CNTN4: variants seen among roughly 807,000 people sequenced by gnomAD.
CNTN4 encodes contactin-4.
In CNTN4, 77 loss-of-function variants were observed where a neutral mutation model predicts 122.5. The ratio of observed to expected loss-of-function variants is 0.63; its 90% confidence interval spans 0.52 to 0.76. The LOEUF (loss-of-function observed/expected upper bound fraction) is 0.76. Among genes scored for constraint, CNTN4 ranks in the 30% least tolerant of loss-of-function variants. The pLI, the probability that CNTN4 is intolerant of heterozygous loss-of-function variation, is 0.00. For synonymous variants in CNTN4, 512 were observed against 447.0 expected, an observed-to-expected ratio of 1.15 and a Z score of -1.83; for missense variants, 1,256 against 1,259.1, an observed-to-expected ratio of 1.00 and a Z score of 0.04.
At chr3:2,605,547 A>G (rs2081221906) in intron 4 of CNTN4, among the ~76,000 whole-genome samples, 1 of 152,174 alleles carries the variant, frequency 6.6e-6, no homozygotes. Flanking sequence ...GGTGGCAGTG[A>G]TGGAAGCAGG....
At chr3:2,357,816 A>G (rs1442506856) in intron 3 of CNTN4, among the ~76,000 whole-genome samples, 1 of 152,240 alleles carries the variant, frequency 6.6e-6, no homozygotes, top group Non-Finnish European at 1.5e-5. Flanking sequence ...AATTGCTATC[A>G]TCTTCTTAAT....
intron 4 of CNTN4, among the ~76,000 whole-genome samples, chr3:2,620,304 A>G (rs1024974485): frequency 1.3e-5 from 2 of 152,148 alleles, no homozygotes; most frequent in African/African-American, 2.4e-5. Context: ...GTTCAAGACC[A>G]GCCTGGGCAA....
In CNTN4 at chr3:2,233,414, G is replaced by T. The variant is rs1000864257; in HGVS notation, c.-144-105764G>T. 2.1e-4 allele frequency among the ~76,000 whole-genome samples: 32 copies of T among 151,914 alleles called. 1 individual carries two copies. Among genetic ancestry groups the T allele is most frequent in the Non-Finnish European group, 4.1e-4 (28 of 68,000 alleles). On this transcript the variant is annotated intron_variant, in intron 2 of 24. Transcript: ENST00000418658. Reference sequence around the variant, plus strand: ...AAGCCTTTGCCTGTTTTTGTTTTTCGCAGTCTTGTGATATATTCTGCATTC... The same window carrying T: ...AAGCCTTTGCCTGTTTTTGTTTTTCTCAGTCTTGTGATATATTCTGCATTC...
intron 4 of CNTN4, among the ~76,000 whole-genome samples, chr3:2,589,730 C>A (rs1053892101): frequency 1.3e-5 from 2 of 152,210 alleles, no homozygotes; most frequent in East Asian, 3.9e-4. Flanking sequence ...GGCTAGAGCA[C>A]CCACTTTCAA....
intron 3 of CNTN4, among the ~76,000 whole-genome samples, chr3:2,556,962 A>G (rs373801533): frequency 3.3e-5 from 5 of 152,338 alleles, no homozygotes; most frequent in South Asian, 4.1e-4. Context: ...CTGGTAGGCA[A>G]GAAAAGAAAA....
chr3:3,030,653 C>A (rs1418512839), intron 15 of CNTN4, among the ~76,000 whole-genome samples: 1 of 152,206 alleles, frequency 6.6e-6, no homozygotes, highest in Non-Finnish European at 1.5e-5. Context: ...CACCTGAGGT[C>A]TTGTCGAAGA....
At chr3:2,924,452 A>G (rs2094455116) in intron 12 of CNTN4, among the ~76,000 whole-genome samples, 1 of 152,218 alleles carries the variant, frequency 6.6e-6, no homozygotes, top group African/African-American at 2.4e-5. Flanking sequence ...GGCTTTTAAA[A>G]TATGATAAAA....
At chr3:2,341,614 C>A (rs527785539) in intron 3 of CNTN4, among the ~76,000 whole-genome samples, 5 of 152,208 alleles carry the variant, frequency 3.3e-5, no homozygotes, top group African/African-American at 9.6e-5. Flanking sequence ...GGCCCAGGCA[C>A]CCTGTGGTGC....
intron 10 of CNTN4, among the ~76,000 whole-genome samples, chr3:2,888,091 A>G (rs960660330): frequency 6.6e-6 from 1 of 152,178 alleles, no homozygotes; most frequent in South Asian, 2.1e-4. Flanking sequence ...AAATGTTCTT[A>G]TTTCTTGCAG....
At position 2,972,180 on chromosome 3, in the gene CNTN4, A is replaced by G. The variant is rs143582340; in HGVS notation, c.1359-16165A>G. Among the ~76,000 whole-genome samples, 662 of 152,226 alleles carry G rather than the reference A, an allele frequency of 4.3e-3. 6 individuals carry two copies. The highest frequency in any genetic ancestry group is 0.014 in the African/African-American group (594 of 41,534). Reference sequence around the variant, plus strand: ...ACTACAAAGCGAGTATCCCTAAATCACTTATTATTCAGGTTACCTAATTTT... The same window carrying G: ...ACTACAAAGCGAGTATCCCTAAATCGCTTATTATTCAGGTTACCTAATTTT... On this transcript the variant is annotated intron_variant, in intron 13 of 24. Transcript: ENST00000418658.
intron 4 of CNTN4, among the ~76,000 whole-genome samples, chr3:2,644,933 C>T (rs1223466458): frequency 6.6e-6 from 1 of 150,490 alleles, no homozygotes; most frequent in African/African-American, 2.4e-5. Context: ...TGAATTAATG[C>T]CTCCTTTCCC....
chr3:2,292,684 C>T (rs529007399), intron 2 of CNTN4, among the ~76,000 whole-genome samples: 3 of 152,294 alleles, frequency 2.0e-5, no homozygotes, highest in Admixed American at 6.5e-5. Flanking sequence ...ATATACTCTT[C>T]TTTGCCTTCT....
chr3:2,415,669 C>A (rs1322637076), intron 3 of CNTN4, among the ~76,000 whole-genome samples: 1 of 152,042 alleles, frequency 6.6e-6, no homozygotes, highest in Non-Finnish European at 1.5e-5. Context: ...TTTGCCTTTT[C>A]CTATTTAAGT....
intron 3 of CNTN4, among the ~76,000 whole-genome samples, chr3:2,369,627 G>C (rs2045552884): frequency 6.6e-6 from 1 of 152,050 alleles, no homozygotes; most frequent in Non-Finnish European, 1.5e-5. Flanking sequence ...CCATGCAGCA[G>C]AATATCCAGG....
chr3:2,528,770 A>G (rs1252498019), intron 3 of CNTN4, among the ~76,000 whole-genome samples: 1 of 152,100 alleles, frequency 6.6e-6, no homozygotes, highest in Non-Finnish European at 1.5e-5. Flanking sequence ...TAATTAGCCT[A>G]CAATATAATA....
At chr3:2,765,744 G>C (rs1004278392) in intron 6 of CNTN4, among the ~76,000 whole-genome samples, 2 of 152,132 alleles carry the variant, frequency 1.3e-5, no homozygotes. Context: ...GATTGATAAA[G>C]CAAGTGCCAC....
chr3:2,715,177 A>G (rs2087415629), intron 4 of CNTN4, among the ~76,000 whole-genome samples: 1 of 152,194 alleles, frequency 6.6e-6, no homozygotes. Context: ...TTATGTACCC[A>G]GTAGAAAACT....
chr3:2,693,601 G>A (rs2149207512), intron 4 of CNTN4, among the ~76,000 whole-genome samples: 1 of 152,254 alleles, frequency 6.6e-6, no homozygotes, highest in Middle Eastern at 3.4e-3. Flanking sequence ...AAAGGGTTTT[G>A]GAGGAGAAGT....
chr3:2,125,913 G>GTGTGTGTGTGTGTGTA (rs1553570976), intron 2 of CNTN4, among the ~76,000 whole-genome samples: 5 of 151,372 alleles, frequency 3.3e-5, no homozygotes, highest in African/African-American at 1.2e-4. Context: ...GTGTGTGTGT[G>GTGTGTGTGTGTGTGTA]TGTGTGTGTG....
Sources: allele counts gnomAD v4.1 joint callset (sites outside exome capture counted in the v4.1 genomes callset), GRCh38; gene constraint gnomAD v4.1.1; transcripts MANE v1.5; gene names NCBI Gene and HGNC (gene_info 2026-07-23, HGNC 2026-07-21).